Variants in DSC3 observed in about 807,000 individuals in gnomAD.
DSC3 encodes the protein desmocollin-3.
In DSC3, 97 loss-of-function variants were observed where a neutral mutation model predicts 89.5. That is an observed-to-expected ratio of 1.08 (90% CI 0.92 to 1.28). DSC3 has a LOEUF of 1.28. Ranked by LOEUF, DSC3 falls within the 50% of genes most tolerant of loss-of-function variation. DSC3 has a pLI of 0.00. For missense variants in DSC3, 1,199 were observed against 1,085.3 expected (o/e 1.10, Z -1.47); for synonymous variants, 436 against 384.1 (o/e 1.14, Z -1.58).
chr18:31,008,591 T>G (rs2144693281), intron 9 of DSC3, 66 bp from the exon 10 acceptor site: 1 of 1,588,434 alleles, frequency 6.3e-7, no homozygotes, highest in East Asian at 2.2e-5. Context: ...AAATGGCAAG[T>G]GAACATTTGT....
chr18:31,032,348 G>A lies in DSC3; in HGVS notation c.70-72C>T, dbSNP rs1598551556. 4 of 1,216,042 alleles carry A rather than the reference G, an allele frequency of 3.3e-6. No individual in the cohort carries two copies. In the East Asian group the frequency reaches 9.9e-5, roughly 30 times the overall value. The allele number at this position is 1,216,042 out of a possible 1,614,324, so 75.3% of individuals were successfully genotyped here. A position where few individuals can be genotyped will look rare whatever the true frequency, so the allele number is the denominator to read the frequency against. On this transcript the variant is annotated intron_variant, in intron 1 of 15. Transcript: ENST00000360428. ...AAAAAACATAATCATATCAATAGATGTAAAACAAGCAACTGACAAAGTCCA... is the reference window on the plus strand; with the variant it reads ...AAAAAACATAATCATATCAATAGATATAAAACAAGCAACTGACAAAGTCCA...
intron 1 of DSC3, among the ~76,000 whole-genome samples, chr18:31,035,968 A>T (rs1432053267): frequency 6.6e-6 from 1 of 152,038 alleles, no homozygotes; most frequent in African/African-American, 2.4e-5. Context: ...TTCATCCAAC[A>T]GTATGTTTGA....
intron 12 of DSC3, among the ~76,000 whole-genome samples, 156 bp from the exon 13 acceptor site, chr18:31,004,522 C>T (rs1337495539): frequency 6.6e-6 from 1 of 152,198 alleles, no homozygotes; most frequent in Admixed American, 6.5e-5. Context: ...CCCTTTCAAA[C>T]TCTACTGTTA....
In DSC3 at chr18:30,996,781, G is replaced by C. The variant is rs778008056; in HGVS notation, c.2493+10C>G. The C allele has an allele frequency of 6.2e-7, 1 of 1,612,742 alleles. No individual in the cohort carries two copies. Among genetic ancestry groups the C allele is most frequent in the Admixed American group, 1.7e-5 (1 of 59,948 alleles). ...TAAATTTTAGACTCAAAACACCTAA[G>C]GAAACTCACTTCACCGAGACGGGGT... is the stretch of plus-strand genomic sequence containing the variant. On this transcript the variant is annotated intron_variant, in intron 15 of 15. Coordinates refer to ENST00000360428, the MANE Select transcript of DSC3 (RefSeq NM_001941.5).
intron 9 of DSC3, among the ~76,000 whole-genome samples, chr18:31,016,304 G>T (rs192190335): frequency 6.6e-6 from 1 of 152,292 alleles, no homozygotes; most frequent in East Asian, 1.9e-4. Context: ...TAATAAGCTT[G>T]CTTTGCTTTC....
Position 31,018,137 on chromosome 18 carries a change from A to C in DSC3, c.1197T>G (p.Asn399Lys). ...WRVNFTILKGNENGHFKISTD... is the reference protein window; with the variant it reads ...WRVNFTILKGKENGHFKISTD... ...TGCTGATTTTGAAATGTCCATTTTC[A>C]TTTCCCTTTAAAATGGTAAAATTGA... The change falls in exon 9 of 16, where the codon AAT (asparagine) becomes AAG (lysine). Residue 399 changes from asparagine (N) to lysine (K), a missense_variant. Asn to Lys is a moderately conservative substitution (Grantham distance 94). Transcript: ENST00000360428. 6.2e-7 allele frequency: 1 copy of C among 1,612,668 alleles called. No homozygotes were observed. Among genetic ancestry groups the C allele is most frequent in the East Asian group, 2.2e-5 (1 of 44,700 alleles).
intron 6 of DSC3, among the ~76,000 whole-genome samples, chr18:31,023,925 A>T (rs115425276): frequency 0.012 from 1,825 of 152,240 alleles, 41 homozygotes; most frequent in African/African-American, 0.041. Flanking sequence ...GCATAAAAAA[A>T]ACTGTACCCT....
intron 1 of DSC3, among the ~76,000 whole-genome samples, chr18:31,036,598 A>G (rs1440991557): frequency 6.6e-6 from 1 of 151,700 alleles, no homozygotes; most frequent in African/African-American, 2.4e-5. Context: ...CTCTTTTTAG[A>G]CTTTGACTCT....
intron 13 of DSC3, among the ~76,000 whole-genome samples, 190 bp from the exon 14 acceptor site, chr18:31,001,929 C>G (rs1984678433): frequency 6.6e-6 from 1 of 152,036 alleles, no homozygotes; most frequent in Admixed American, 6.6e-5. Flanking sequence ...CAGAAGCAAT[C>G]ATCTGTATTT....
chr18:31,033,699 A>C (rs988007396), intron 1 of DSC3, among the ~76,000 whole-genome samples: 10 of 152,356 alleles, frequency 6.6e-5, no homozygotes, highest in East Asian at 3.9e-4. Flanking sequence ...ATTATGTACA[A>C]CACCAAAAAT....
At position 31,001,731 on chromosome 18, in the gene DSC3, G is replaced by A. The variant is rs757758491; in HGVS notation, c.2122C>T (p.Leu708=). ...CCAAAAACTCCACATACTAAAGTTA[G>A]CAATACAGCTGAATTTAAAAATAAA... ...LGIALLFSVL[L]TLVCGVFGAT... is the part of the protein sequence containing the mutation. Residue 708 remains leucine (L), a synonymous_variant, in exon 14 of 16, where the codon CTA becomes TTA. Coordinates refer to ENST00000360428, the MANE Select transcript of DSC3 (RefSeq NM_001941.5). 6.3e-7 allele frequency: 1 copy of A among 1,596,378 alleles called. No individual in the cohort carries two copies. The highest frequency in any genetic ancestry group is 8.5e-7 in the Non-Finnish European group (1 of 1,172,654).
chr18:31,024,504 G>A lies in DSC3; in HGVS notation c.631-11C>T, dbSNP rs762172142. ...CGCATAAGCAATCAACTGCAAAATAGCAAAAAGAAAGTTCCATTAATATCA... is the reference window on the plus strand; with the variant it reads ...CGCATAAGCAATCAACTGCAAAATAACAAAAAGAAAGTTCCATTAATATCA... On this transcript the variant is annotated splice_polypyrimidine_tract_variant and intron_variant, in intron 5 of 15. Coordinates refer to ENST00000360428, the MANE Select transcript of DSC3 (RefSeq NM_001941.5). 1.4e-5 allele frequency: 23 copies of A among 1,610,834 alleles called. No homozygotes were observed. Among genetic ancestry groups the A allele is most frequent in the Non-Finnish European group, 2.0e-5 (23 of 1,178,694 alleles).
chr18:31,034,962 T>A (rs1306304345), intron 1 of DSC3, among the ~76,000 whole-genome samples: 1 of 152,134 alleles, frequency 6.6e-6, no homozygotes, highest in African/African-American at 2.4e-5. Context: ...ATCTCAATAA[T>A]GCAGTTTAAA....
intron 12 of DSC3, 71 bp from the exon 13 acceptor site, chr18:31,004,437 C>A: frequency 1.4e-6 from 2 of 1,439,852 alleles, no homozygotes; most frequent in East Asian, 2.4e-5. Context: ...TTTCATCACG[C>A]TTGTTTTTGA....
chr18:31,033,595 C>G (rs1450365257), intron 1 of DSC3, among the ~76,000 whole-genome samples: 1 of 152,064 alleles, frequency 6.6e-6, no homozygotes, highest in Non-Finnish European at 1.5e-5. Context: ...CAAAAATTAA[C>G]TCAAAATGAA....
intron 7 of DSC3, among the ~76,000 whole-genome samples, chr18:31,019,652 G>A (rs1026222166): frequency 2.0e-5 from 3 of 152,108 alleles, no homozygotes; most frequent in African/African-American, 4.8e-5. Context: ...ATTTAGCTGG[G>A]CATGGTGGTA....
intron 1 of DSC3, among the ~76,000 whole-genome samples, chr18:31,034,479 C>T (rs1985907595): frequency 6.6e-6 from 1 of 152,218 alleles, no homozygotes; most frequent in South Asian, 2.1e-4. Context: ...TTTGCAGTTT[C>T]TCAAAAAGTT....
At chr18:31,017,359 G>A (rs920382003) in intron 9 of DSC3, among the ~76,000 whole-genome samples, 1 of 152,096 alleles carries the variant, frequency 6.6e-6, no homozygotes, top group Middle Eastern at 3.2e-3. Flanking sequence ...CTTGTCCACA[G>A]GACAATATTA....
Position 30,989,597 on chromosome 18 carries a change from G to A in DSC3, c.*4578C>T, listed in dbSNP as rs942466307. Among the ~76,000 whole-genome samples, 1 of 152,106 alleles carries A rather than the reference G, an allele frequency of 6.6e-6. No individual in the cohort carries two copies. Among genetic ancestry groups the A allele is most frequent in the Non-Finnish European group, 1.5e-5 (1 of 68,020 alleles). On this transcript the variant is annotated 3_prime_UTR_variant, in exon 16 of 16. Coordinates refer to ENST00000360428, the MANE Select transcript of DSC3 (RefSeq NM_001941.5). ...TACACTTTAAAATGGTGAAAATGAT[G>A]AATTTTAACCATTCATAGCCATGTT...
Sources: gnomAD v4.1 joint callset for allele counts (sites outside exome capture counted in the v4.1 genomes callset) on GRCh38, gnomAD v4.1.1 for gene constraint, MANE v1.5 for transcripts, NCBI Gene and HGNC (gene_info 2026-07-23, HGNC 2026-07-21) for gene names.